NOVA1: variants seen among roughly 807,000 people sequenced by gnomAD.
The protein encoded by NOVA1 is RNA-binding protein Nova-1.
Under a neutral mutation model 38.0 loss-of-function variants are expected in NOVA1, and 7 were observed. The observed-to-expected ratio is 0.18, with a 90% CI of 0.10 to 0.35. The LOEUF is 0.35. NOVA1 is among the 10% of genes least tolerant of loss of function. The pLI is 1.00. For synonymous variants in NOVA1, 270 were observed against 232.5 expected, an observed-to-expected ratio of 1.16 and a Z score of -1.47; for missense variants, 460 against 616.0, an observed-to-expected ratio of 0.75 and a Z score of 2.68.
rs1882172381 is a variant in NOVA1 at position 26,447,515 on chromosome 14, A to G, written c.*444T>C. The G allele has an allele frequency of 6.2e-6, 1 of 162,516 alleles. No individual in the cohort carries two copies. The highest frequency in any genetic ancestry group is 5.9e-5 in the Admixed American group (1 of 16,854). The allele number at this position is 162,516 out of a possible 1,614,324, so 10.1% of individuals were successfully genotyped here. A position where few individuals can be genotyped will look rare whatever the true frequency, so the allele number is the denominator to read the frequency against. ...ATTGTTTCCTACTTCACTGTGCCCT[A>G]AGCAGGAAGTAAGACTTACAGGACA... On this transcript the variant is annotated 3_prime_UTR_variant, in exon 5 of 5. Transcript: ENST00000539517.
At chr14:26,539,950 C>T (rs1264982270) in intron 2 of NOVA1, among the ~76,000 whole-genome samples, 1 of 152,092 alleles carries the variant, frequency 6.6e-6, no homozygotes, top group African/African-American at 2.4e-5. Flanking sequence ...TCTTAGGAGG[C>T]CATTGTGTCC....
In NOVA1 at chr14:26,448,320, A is replaced by T; in HGVS notation, c.1163T>A (p.Leu388Gln). 2 of 1,613,884 alleles carry T rather than the reference A, an allele frequency of 1.2e-6. No homozygotes were observed. Among genetic ancestry groups the T allele is most frequent in the Non-Finnish European group, 1.7e-6 (2 of 1,179,962 alleles). The change falls in exon 5 of 5, where the codon CTG (leucine) becomes CAG (glutamine). Residue 388 changes from leucine to glutamine, a missense_variant. Physicochemically the swap from Leu to Gln is moderately radical, Grantham distance 113. Coordinates refer to ENST00000539517, the MANE Select transcript of NOVA1 (RefSeq NM_002515.3). This position sits in a 1 kb window ranked among gnomAD's most constrained non-coding sequence, Gnocchi z 5.3. ...ATTGGTTGCAGCAGTAGCAGCAGCC[A>T]GGCTACCTAATGCAAATGTCCCCGC... ...GTAGTFALGS[L>Q]AAATAATNGY... is the part of the protein sequence containing the mutation.
chr14:26,486,745 A>C (rs1300047030), intron 2 of NOVA1, among the ~76,000 whole-genome samples: 2 of 150,328 alleles, frequency 1.3e-5, no homozygotes, highest in Non-Finnish European at 3.0e-5. Context: ...AAAAAAAACC[A>C]AGTAGTTTTC....
At chr14:26,549,785 G>C in intron 2 of NOVA1, 1 of 1,282,986 alleles carries the variant, frequency 7.8e-7, no homozygotes, top group Non-Finnish European at 1.0e-6. Context: ...TCAGCACCTA[G>C]GGGAAAGTGC....
At chr14:26,532,722 C>G (rs970204441) in intron 2 of NOVA1, among the ~76,000 whole-genome samples, 1 of 152,074 alleles carries the variant, frequency 6.6e-6, no homozygotes, top group Non-Finnish European at 1.5e-5. Flanking sequence ...ACTTTTGTAC[C>G]TTTTGAGGGC....
intron 2 of NOVA1, among the ~76,000 whole-genome samples, chr14:26,595,162 T>A (rs1177198087): frequency 6.6e-6 from 1 of 152,144 alleles, no homozygotes; most frequent in African/African-American, 2.4e-5. Context: ...TAATAAGAAT[T>A]ATTCAGAAAT....
At position 26,562,188 on chromosome 14, in the gene NOVA1, T is replaced by G. The variant is rs1230255483; in HGVS notation, c.280+33222A>C. ...TGTATTGTAGGCTTCTGGTCCATAT[T>G]AATAAACTAAAAGTATCAAGACCTC... On this transcript the variant is annotated intron_variant, in intron 2 of 4. Coordinates refer to ENST00000539517, the MANE Select transcript of NOVA1 (RefSeq NM_002515.3). Among the ~76,000 whole-genome samples the G allele has an allele frequency of 2.0e-5, 3 of 152,156 alleles. No homozygotes were observed. The East Asian group carries it at 5.8e-4, about 29-fold the overall frequency.
chr14:26,573,436 T>C (rs1404506595), intron 2 of NOVA1, among the ~76,000 whole-genome samples: 2 of 152,078 alleles, frequency 1.3e-5, no homozygotes, highest in African/African-American at 4.8e-5. Context: ...AAAGAAAGGA[T>C]TTAGCTTTTG....
At chr14:26,587,093 A>T (rs192627294) in intron 2 of NOVA1, among the ~76,000 whole-genome samples, 235 of 151,056 alleles carry the variant, frequency 1.6e-3, no homozygotes, top group Middle Eastern at 6.8e-3. Flanking sequence ...GCTACAGGAC[A>T]ATTACTGGCA....
At chr14:26,580,653 C>G (rs967183912) in intron 2 of NOVA1, among the ~76,000 whole-genome samples, 1 of 151,878 alleles carries the variant, frequency 6.6e-6, no homozygotes, top group African/African-American at 2.4e-5. Flanking sequence ...TCTATAAAAA[C>G]GATGATCACT....
chr14:26,530,008 C>G (rs1039120865), intron 2 of NOVA1, among the ~76,000 whole-genome samples: 15 of 152,182 alleles, frequency 9.9e-5, no homozygotes, highest in African/African-American at 3.4e-4. Flanking sequence ...CAAGCTCCGC[C>G]TCCCGGGTTC....
intron 4 of NOVA1, among the ~76,000 whole-genome samples, chr14:26,453,205 TATG>T (rs1438367988): frequency 0.18 from 2,881 of 16,166 alleles, 91 homozygotes; most frequent in African/African-American, 0.24. Context: ...TGTATGTATG[TATG>T]TATTTATTTA....
At chr14:26,512,196 C>T (rs1888150327) in intron 2 of NOVA1, among the ~76,000 whole-genome samples, 1 of 152,150 alleles carries the variant, frequency 6.6e-6, no homozygotes, top group Admixed American at 6.5e-5. Context: ...TCCTGAATTA[C>T]TCAAAAATAT....
Position 26,597,939 on chromosome 14 carries a change from A to G in NOVA1, c.-503T>C, listed in dbSNP as rs971074111. Reference sequence around the variant, plus strand: ...GGAGCGAGCGGCAGAGGAGGGCAGGAGCCGGGAAGGAGCGCGGCGGTCCCC... The same window carrying G: ...GGAGCGAGCGGCAGAGGAGGGCAGGGGCCGGGAAGGAGCGCGGCGGTCCCC... On this transcript the variant is annotated 5_prime_UTR_variant, in exon 1 of 5. Coordinates refer to ENST00000539517, the MANE Select transcript of NOVA1 (RefSeq NM_002515.3). Among the ~76,000 whole-genome samples the G allele has an allele frequency of 2.6e-5, 4 of 151,368 alleles. No homozygotes were observed. Among genetic ancestry groups the G allele is most frequent in the African/African-American group, 9.7e-5 (4 of 41,214 alleles).
At chr14:26,596,841 A>G in intron 1 of NOVA1, 1 of 1,091,706 alleles carries the variant, frequency 9.2e-7, no homozygotes. Context: ...GAGAGGAAAA[A>G]CTCTCCGGCG....
chr14:26,551,908 A>C (rs754040643), intron 2 of NOVA1, among the ~76,000 whole-genome samples: 1 of 152,076 alleles, frequency 6.6e-6, no homozygotes, highest in Non-Finnish European at 1.5e-5. Flanking sequence ...AATAATTCAC[A>C]ATATTACAAA....
intron 2 of NOVA1, among the ~76,000 whole-genome samples, chr14:26,530,408 A>G (rs1889625269): frequency 6.6e-6 from 1 of 152,240 alleles, no homozygotes; most frequent in African/African-American, 2.4e-5. Flanking sequence ...AGATTAAAAA[A>G]GCAAGTATAA....
intron 3 of NOVA1, among the ~76,000 whole-genome samples, chr14:26,474,679 T>C (rs1884839230): frequency 6.6e-6 from 1 of 151,984 alleles, no homozygotes; most frequent in Non-Finnish European, 1.5e-5. Flanking sequence ...TTTTGGTTGG[T>C]AAACATCATA....
At chr14:26,594,207 A>G (rs1400836259) in intron 2 of NOVA1, 1 of 151,996 alleles carries the variant, frequency 6.6e-6, no homozygotes, top group Non-Finnish European at 1.5e-5. Flanking sequence ...TAGTTTAATA[A>G]GTTTAATGTT....
Sources: allele counts gnomAD v4.1 joint callset (sites outside exome capture counted in the v4.1 genomes callset), GRCh38; gene constraint gnomAD v4.1.1; non-coding constraint Gnocchi (gnomAD v3.1); transcripts MANE v1.5; gene names NCBI Gene and HGNC (gene_info 2026-07-23, HGNC 2026-07-21).